Variants in ABCG1 observed in about 807,000 individuals in gnomAD.
ABCG1 encodes ATP-binding cassette sub-family G member 1.
ABCG1 carries 29 observed loss-of-function variants against 69.2 expected under a neutral mutation model. The ratio of observed to expected loss-of-function variants is 0.42; its 90% CI spans 0.31 to 0.57. ABCG1 has a LOEUF of 0.57. Among genes scored for constraint, ABCG1 ranks in the 20% least tolerant of loss-of-function variants. The probability of loss-of-function intolerance (pLI) is 0.15; values close to 1 mark genes in which losing one functional copy is unlikely to be tolerated. For synonymous variants in ABCG1, 370 were observed against 374.8 expected (o/e 0.99, Z 0.15); for missense variants, 718 against 898.1 (o/e 0.80, Z 2.56).
In ABCG1 at chr21:42,273,355, C is replaced by T. The variant is rs1326186208; in HGVS notation, c.457C>T (p.Arg153Cys). Residue 153 changes from arginine (R) to cysteine (C), a missense_variant, in exon 4 of 15, where the codon CGC (arginine) becomes TGC (cysteine). Transcript: ENST00000398449. This position sits in a 1 kb window ranked among gnomAD's most constrained non-coding sequence, Gnocchi z 5.3. ...VLINGLPRDL[R>C]CFRKVSCYIM... Reference sequence around the variant, plus strand: ...CATCAACGGCCTGCCCCGGGACCTGCGCTGCTTCCGGAAGGTGTCCTGCTA... The same window carrying T: ...CATCAACGGCCTGCCCCGGGACCTGTGCTGCTTCCGGAAGGTGTCCTGCTA... 1.2e-5 allele frequency: 19 copies of T among 1,613,742 alleles called. No homozygotes were observed. The highest frequency in any genetic ancestry group is 4.0e-5 in the African/African-American group (3 of 74,934).
At chr21:42,293,187 TACACACTACACACCACACACTGCATAC>T (rs2069116348) in intron 13 of ABCG1, among the ~76,000 whole-genome samples, 1 of 94,526 alleles carries the variant, frequency 1.1e-5, no homozygotes, top group South Asian at 3.6e-4. Flanking sequence ...CACACCACAC[TACACACTACACACCACACACTGCATAC>T]ACACACTACA....
At position 42,286,063 on chromosome 21, in the gene ABCG1, G is replaced by T. The variant is rs144888034; in HGVS notation, c.973+69G>T. The T allele has an allele frequency of 2.7e-3, 2,859 of 1,066,110 alleles. 17 individuals carry two copies. Among genetic ancestry groups the T allele is most frequent in the Middle Eastern group, 6.5e-3 (28 of 4,326 alleles). The allele number at this position is 1,066,110 out of a possible 1,614,324, so 66.0% of individuals were successfully genotyped here. On this transcript the variant is annotated intron_variant, in intron 8 of 14. Coordinates refer to ENST00000398449, the MANE Select transcript of ABCG1 (RefSeq NM_016818.3). ...TCCTCCTCTGTGGGTCTCACTTTTAGCTGACGCCCCCAACTCAGAAACCAC... is the reference window on the plus strand; with the variant it reads ...TCCTCCTCTGTGGGTCTCACTTTTATCTGACGCCCCCAACTCAGAAACCAC...
chr21:42,202,306 G>C (rs567421263), intron 2 of ABCG1, among the ~76,000 whole-genome samples: 6 of 152,276 alleles, frequency 3.9e-5, no homozygotes, highest in Admixed American at 1.3e-4. Flanking sequence ...CCTGAATATT[G>C]AAATATTACA....
rs191314692 is a variant in ABCG1, at chr21:42,287,345, G to A, written c.974-544G>A. 3.3e-3 allele frequency among the ~76,000 whole-genome samples: 508 copies of A among 152,294 alleles called. 8 individuals are homozygous for A. Among genetic ancestry groups the A allele is most frequent in the Admixed American group, 0.028 (432 of 15,304 alleles). On this transcript the variant is annotated intron_variant, in intron 8 of 14. Transcript: ENST00000398449. This position sits in a 1 kb window ranked among gnomAD's most constrained non-coding sequence, Gnocchi z 6.2. ...AGAGGCAGGAGCAGCGGGCAGGGCC[G>A]GTGCAGGAGACGCTCACTGGGATCT... is the stretch of plus-strand genomic sequence containing the variant.
intron 2 of ABCG1, among the ~76,000 whole-genome samples, chr21:42,270,232 C>A (rs1446746343): frequency 1.7e-5 from 2 of 121,180 alleles, no homozygotes; most frequent in African/African-American, 3.3e-5. Flanking sequence ...TGCACTCTAG[C>A]ATGGGCGACA....
chr21:42,221,031 GC>G (rs754098914), intron 1 of ABCG1: 24 of 152,120 alleles, frequency 1.6e-4, no homozygotes, highest in Non-Finnish European at 2.4e-4. Flanking sequence ...TTGATAATAT[GC>G]CCCCGGAGCT....
Position 42,284,560 on chromosome 21 carries a change from C to G in ABCG1, c.735C>G (p.Ser245Arg), listed in dbSNP as rs377226245. 6 of 1,612,668 alleles carry G rather than the reference C, an allele frequency of 3.7e-6. No individual in the cohort carries two copies. The highest frequency in any genetic ancestry group is 4.2e-6 in the Non-Finnish European group (5 of 1,179,950). ...PPVMFFDEPT[S>R]GLDSASCFQV... ...TCTCACGGTGCCTCTTGACTTGCAGCGGCCTGGACAGCGCCTCCTGCTTCC... is the reference window on the plus strand; with the variant it reads ...TCTCACGGTGCCTCTTGACTTGCAGGGGCCTGGACAGCGCCTCCTGCTTCC... Residue 245 changes from serine (S) to arginine (R), a missense_variant and splice_region_variant, in exon 7 of 15, where the codon AGC (serine) becomes AGG (arginine). Coordinates refer to ENST00000398449, the MANE Select transcript of ABCG1 (RefSeq NM_016818.3).
At chr21:42,226,896 T>G (rs2067825973) in intron 2 of ABCG1, among the ~76,000 whole-genome samples, 1 of 152,266 alleles carries the variant, frequency 6.6e-6, no homozygotes, top group South Asian at 2.1e-4. Context: ...ACTTTGAACT[T>G]AAAACTGGAT....
chr21:42,234,988 G>T (rs1325089097), intron 2 of ABCG1, among the ~76,000 whole-genome samples: 1 of 152,110 alleles, frequency 6.6e-6, no homozygotes, highest in Admixed American at 6.5e-5. Flanking sequence ...TGCCAAGCGC[G>T]AGGAGGCAGC....
chr21:42,272,441 C>T (rs915061966), intron 3 of ABCG1, among the ~76,000 whole-genome samples: 13 of 152,354 alleles, frequency 8.5e-5, no homozygotes, highest in African/African-American at 1.2e-4. Flanking sequence ...AGAAGAGACC[C>T]GGCCGCAGGC....
intron 5 of ABCG1, among the ~76,000 whole-genome samples, chr21:42,278,718 A>C (rs2068753355): frequency 6.6e-6 from 1 of 152,218 alleles, no homozygotes; most frequent in Non-Finnish European, 1.5e-5. Flanking sequence ...AGTGAACGTA[A>C]CAAACGAGAG....
rs150893599 is a variant in ABCG1, at chr21:42,233,387, TGACAAGG to T, written c.286+7478_286+7484del. Among the ~76,000 whole-genome samples the T allele has an allele frequency of 3.0e-4, 46 of 152,304 alleles. No homozygotes were observed. In the East Asian group the frequency reaches 7.9e-3, roughly 26 times the overall value. ...GGAGGGAGCCTTCTTGCACCATTTC[TGACAAGG>T]GACAGCCAGCTTCTGTCTGAGCACT... On this transcript the variant is annotated intron_variant, in intron 2 of 14. Coordinates refer to ENST00000398449, the MANE Select transcript of ABCG1 (RefSeq NM_016818.3).
rs146124825 is a variant in ABCG1 at position 42,273,707 on chromosome 21, G to A, written c.537+272G>A. 1.8e-3 allele frequency among the ~76,000 whole-genome samples: 269 copies of A among 152,240 alleles called. No homozygotes were observed. The highest frequency in any genetic ancestry group is 6.2e-3 in the African/African-American group (256 of 41,524). ...AAGTTTCTGAGAAGGTTATTAACCC[G>A]GCTGGCTTGGGTGATCCTCTCCAGG... On this transcript the variant is annotated intron_variant, in intron 4 of 14. Transcript: ENST00000398449. The surrounding 1 kb of genome is among the most constrained non-coding windows in gnomAD (Gnocchi z 5.3).
At position 42,224,687 on chromosome 21, in the gene ABCG1, C is replaced by G. The variant is rs537515586; in HGVS notation, c.43-984C>G. The stretch of plus-strand genomic sequence containing the variant: ...CTTTTGGCACTGTGAGATGTTCTCT[C>G]TCGATTTGGAAGACAGCAAGAAAAA... On this transcript the variant is annotated intron_variant, in intron 1 of 14. Coordinates refer to ENST00000398449, the MANE Select transcript of ABCG1 (RefSeq NM_016818.3). 2.0e-5 allele frequency among the ~76,000 whole-genome samples: 3 copies of G among 152,186 alleles called. No individual in the cohort carries two copies. The South Asian group carries it at 6.2e-4, about 31-fold the overall frequency.
intron 2 of ABCG1, among the ~76,000 whole-genome samples, chr21:42,227,335 C>T (rs886377488): frequency 5.9e-5 from 9 of 152,194 alleles, no homozygotes; most frequent in Non-Finnish European, 1.2e-4. Context: ...TCCTTCTCAA[C>T]TTAAAGAAAT....
intron 5 of ABCG1, among the ~76,000 whole-genome samples, chr21:42,279,729 C>T (rs1027871450): frequency 2.6e-5 from 4 of 152,220 alleles, no homozygotes; most frequent in South Asian, 2.1e-4. Context: ...ATGGGCTGGG[C>T]GCACAGTGAG....
intron 1 of ABCG1, among the ~76,000 whole-genome samples, chr21:42,222,812 A>G (rs2067750885): frequency 6.6e-6 from 1 of 152,212 alleles, no homozygotes; most frequent in East Asian, 1.9e-4. Context: ...TGCACAAGCC[A>G]TTATTATTTA....
chr21:42,227,686 A>G (rs775500025), intron 2 of ABCG1, among the ~76,000 whole-genome samples: 15 of 152,210 alleles, frequency 9.9e-5, no homozygotes, highest in East Asian at 1.9e-4. Context: ...TCACACTGCT[A>G]TAAAGAACTA....
chr21:42,268,151 G>A (rs570567384), intron 2 of ABCG1, among the ~76,000 whole-genome samples: 2 of 152,304 alleles, frequency 1.3e-5, no homozygotes, highest in African/African-American at 4.8e-5. Flanking sequence ...GAAAAACAGT[G>A]GAAGACAGTG....
Sources: allele counts gnomAD v4.1 joint callset (sites outside exome capture counted in the v4.1 genomes callset), GRCh38; gene constraint gnomAD v4.1.1; non-coding constraint Gnocchi (gnomAD v3.1); transcripts MANE v1.5; gene names NCBI Gene and HGNC (gene_info 2026-07-23, HGNC 2026-07-21).